SCD5: variants seen among roughly 807,000 people sequenced by gnomAD.
SCD5 encodes stearoyl-CoA desaturase 5.
A neutral mutation model predicts 30.4 loss-of-function variants in SCD5; 20 were observed. That is an observed-to-expected ratio of 0.66 (90% CI 0.46 to 0.96). The LOEUF is 0.96. Among genes scored for constraint, SCD5 ranks in the 40% least tolerant of loss-of-function variants. The pLI, the probability that SCD5 is intolerant of heterozygous loss-of-function variation, is 0.00. For missense variants in SCD5, 381 were observed against 443.3 expected (o/e 0.86, Z 1.26); for synonymous variants, 173 against 176.4 (o/e 0.98, Z 0.16).
intron 3 of SCD5, among the ~76,000 whole-genome samples, chr4:82,648,834 C>T (rs1727684406): frequency 6.6e-6 from 1 of 151,998 alleles, no homozygotes; most frequent in Admixed American, 6.6e-5. Flanking sequence ...CTCGGTGAGA[C>T]CTGAAGGAGT....
intron 1 of SCD5, among the ~76,000 whole-genome samples, chr4:82,771,467 G>A (rs115602066): frequency 0.019 from 2,843 of 152,302 alleles, 83 homozygotes; most frequent in African/African-American, 0.065. Flanking sequence ...ACCCACCAAC[G>A]GTGTAGGACG....
chr4:82,768,957 T>C (rs955909091), intron 1 of SCD5, among the ~76,000 whole-genome samples: 4 of 150,446 alleles, frequency 2.7e-5, no homozygotes, highest in Non-Finnish European at 4.4e-5. Context: ...TTTTTTTTTT[T>C]AAGTAGTAAG....
intron 2 of SCD5, among the ~76,000 whole-genome samples, chr4:82,693,843 C>T (rs913189386): frequency 6.6e-6 from 1 of 152,136 alleles, no homozygotes; most frequent in Non-Finnish European, 1.5e-5. Flanking sequence ...CTGCCACCTC[C>T]CTGAAGAGGA....
chr4:82,710,373 G>A (rs761150332), intron 1 of SCD5, among the ~76,000 whole-genome samples: 4 of 152,076 alleles, frequency 2.6e-5, no homozygotes, highest in South Asian at 2.1e-4. Flanking sequence ...AGTGACCCTC[G>A]GATCAGGAGA....
chr4:82,769,653 G>A lies in SCD5; in HGVS notation c.232+28653C>T, dbSNP rs558070055. Among the ~76,000 whole-genome samples, 345 of 152,204 alleles carry A rather than the reference G, an allele frequency of 2.3e-3. 5 individuals are homozygous for A. Among genetic ancestry groups the A allele is most frequent in the Non-Finnish European group, 3.0e-3 (202 of 68,008 alleles). ...ACTGCAAAGTGGTTAAAAATGCTCA[G>A]AAATAACTGAATATGATTATATAAA... On this transcript the variant is annotated intron_variant, in intron 1 of 4. Coordinates refer to ENST00000319540, the MANE Select transcript of SCD5 (RefSeq NM_001037582.3).
chr4:82,720,450 A>C (rs559832245), intron 1 of SCD5, among the ~76,000 whole-genome samples: 2 of 148,272 alleles, frequency 1.3e-5, no homozygotes, highest in African/African-American at 2.6e-5. Flanking sequence ...ATAAAAAAAA[A>C]AAAAAAAAAA....
chr4:82,779,511 C>T (rs997009419), intron 1 of SCD5, among the ~76,000 whole-genome samples: 14 of 152,182 alleles, frequency 9.2e-5, no homozygotes, highest in Admixed American at 8.5e-4. Flanking sequence ...GGCTCAGCCA[C>T]CAGGCATGCA....
At chr4:82,661,924 G>T (rs1464000710) in intron 3 of SCD5, among the ~76,000 whole-genome samples, 1 of 152,204 alleles carries the variant, frequency 6.6e-6, no homozygotes, top group African/African-American at 2.4e-5. Context: ...CCACTGAGAG[G>T]TGGCAGGGTT....
At chr4:82,638,200 A>G (rs1431461144) in intron 3 of SCD5, among the ~76,000 whole-genome samples, 1 of 152,092 alleles carries the variant, frequency 6.6e-6, no homozygotes, top group African/African-American at 2.4e-5. Context: ...GCTGCATAGT[A>G]TTCCATGGTG....
chr4:82,726,417 C>A (rs1259185367), intron 1 of SCD5, among the ~76,000 whole-genome samples: 459 of 108,374 alleles, frequency 4.2e-3, no homozygotes, highest in Middle Eastern at 9.6e-3. Context: ...AACTCTGTCT[C>A]AAAAAAAAAA....
intron 3 of SCD5, chr4:82,660,620 C>G (rs76600748): frequency 0.011 from 14,474 of 1,337,386 alleles, 203 homozygotes; most frequent in South Asian, 0.058. Context: ...CATTATTACC[C>G]TGCTCTAGAT....
At chr4:82,776,365 C>T (rs1721744507) in intron 1 of SCD5, among the ~76,000 whole-genome samples, 2 of 152,188 alleles carry the variant, frequency 1.3e-5, no homozygotes, top group African/African-American at 4.8e-5. Context: ...ATCATTTCGG[C>T]ATCTGTGAAT....
chr4:82,724,005 T>TACACA (rs199899800), intron 1 of SCD5, among the ~76,000 whole-genome samples: 6,309 of 152,320 alleles, frequency 0.041, 184 homozygotes, highest in Non-Finnish European at 0.061. Flanking sequence ...TATGGAATCA[T>TACACA]TTAGGTGTAA....
At chr4:82,661,845 C>T (rs1025839072) in intron 3 of SCD5, among the ~76,000 whole-genome samples, 75 of 152,254 alleles carry the variant, frequency 4.9e-4, no homozygotes, top group African/African-American at 1.6e-3. Context: ...ATGAGAAATA[C>T]GCAACACACC....
chr4:82,714,566 G>T (rs1462171210), intron 1 of SCD5, among the ~76,000 whole-genome samples: 1 of 152,150 alleles, frequency 6.6e-6, no homozygotes, highest in African/African-American at 2.4e-5. Context: ...GTTCAAGCAG[G>T]AGCAAGTGGT....
chr4:82,691,561 C>A (rs1050064871), intron 2 of SCD5, among the ~76,000 whole-genome samples: 3 of 152,044 alleles, frequency 2.0e-5, no homozygotes, highest in Non-Finnish European at 2.9e-5. Context: ...GTTCTTGGCA[C>A]AGAGGTTTAA....
intron 1 of SCD5, among the ~76,000 whole-genome samples, chr4:82,777,332 T>C (rs1180362872): frequency 2.0e-5 from 3 of 152,228 alleles, no homozygotes; most frequent in African/African-American, 4.8e-5. Flanking sequence ...TCGCCAAGAA[T>C]TGAGCAAAGT....
intron 1 of SCD5, among the ~76,000 whole-genome samples, chr4:82,732,101 CA>C (rs1720656047): frequency 6.6e-6 from 1 of 151,104 alleles, no homozygotes; most frequent in Non-Finnish European, 1.5e-5. Context: ...TTTTCTATTA[CA>C]TTTTTTTTTC....
At chr4:82,710,565 G>A (rs1720061877) in intron 1 of SCD5, among the ~76,000 whole-genome samples, 1 of 152,166 alleles carries the variant, frequency 6.6e-6, no homozygotes, top group South Asian at 2.1e-4. Flanking sequence ...CCAGAGAACT[G>A]AGGAGAGGAG....
Sources: allele counts gnomAD v4.1 joint callset (sites outside exome capture counted in the v4.1 genomes callset), GRCh38; gene constraint gnomAD v4.1.1; transcripts MANE v1.5; gene names NCBI Gene and HGNC (gene_info 2026-07-23, HGNC 2026-07-21).